The following AQP11 variants were observed in gnomAD, a reference collection of about 807,000 sequenced individuals.
AQP11 encodes aquaporin 11, also known as aquaporin-11.
A neutral mutation model predicts 21.1 loss-of-function variants in AQP11; 20 were observed. The observed-to-expected ratio is 0.95, with a 90% CI of 0.67 to 1.38. The LOEUF (loss-of-function observed/expected upper bound fraction) is 1.38. Among genes scored for constraint, AQP11 ranks in the 40% most tolerant of loss-of-function variants. The probability of loss-of-function intolerance (pLI) is 0.00; values close to 1 mark genes in which losing one functional copy is unlikely to be tolerated. For missense variants in AQP11, 339 were observed against 340.4 expected (o/e 1.00, Z 0.03); for synonymous variants, 167 against 150.1 (o/e 1.11, Z -0.82).
intron 1 of AQP11, among the ~76,000 whole-genome samples, chr11:77,600,960 C>T (rs535301231): frequency 1.3e-5 from 2 of 150,200 alleles, no homozygotes; most frequent in Non-Finnish European, 3.0e-5. Context: ...TGCAGTGAGC[C>T]GAGATCATGC....
At chr11:77,600,905 G>A (rs992651142) in intron 1 of AQP11, among the ~76,000 whole-genome samples, 9 of 151,944 alleles carry the variant, frequency 5.9e-5, no homozygotes, top group Non-Finnish European at 1.2e-4. Context: ...CCAGCTACTC[G>A]GGAGGCTGAG....
chr11:77,603,459 C>T (rs1958826499), intron 1 of AQP11, 97 bp from the exon 2 acceptor site: 4 of 833,260 alleles, frequency 4.8e-6, no homozygotes, highest in Non-Finnish European at 7.4e-6. Context: ...ACTAAGAATA[C>T]CTAAAATAAA....
intron 1 of AQP11, among the ~76,000 whole-genome samples, chr11:77,593,489 T>C (rs932803720): frequency 6.6e-6 from 1 of 151,948 alleles, no homozygotes; most frequent in African/African-American, 2.4e-5. Flanking sequence ...ACAAAAAAAT[T>C]AGCCAGGCAT....
intron 1 of AQP11, among the ~76,000 whole-genome samples, chr11:77,602,083 G>A (rs1487185542): frequency 6.6e-6 from 1 of 152,196 alleles, no homozygotes; most frequent in Non-Finnish European, 1.5e-5. Context: ...CTACCACTAA[G>A]TCACACTGAT....
At position 77,609,529 on chromosome 11, in the gene AQP11, T is replaced by TA. The variant is rs1002095990; in HGVS notation, c.*161dup. ...CTTATAGTTTTCATCACTGGGACTT[T>TA]AAAAAAAAATTACTGTGAAAATGAG... On this transcript the variant is annotated 3_prime_UTR_variant, in exon 3 of 3. Coordinates refer to ENST00000313578, the MANE Select transcript of AQP11 (RefSeq NM_173039.3). 2.7e-4 allele frequency: 129 copies of TA among 479,464 alleles called. No individual in the cohort carries two copies. The highest frequency in any genetic ancestry group is 9.0e-4 in the South Asian group (17 of 18,920). 29.7% of individuals were successfully genotyped at this position (479,464 alleles called of 1,614,324 possible). A position where few individuals can be genotyped will look rare whatever the true frequency, so the allele number is the denominator to read the frequency against.
intron 2 of AQP11, among the ~76,000 whole-genome samples, chr11:77,605,447 G>A (rs567313472): frequency 4.6e-5 from 7 of 152,252 alleles, no homozygotes; most frequent in African/African-American, 1.2e-4. Flanking sequence ...TGGCCTGTTA[G>A]TAACCAGGCC....
chr11:77,589,992 C>A lies in AQP11; in HGVS notation c.-1C>A. On this transcript the variant is annotated 5_prime_UTR_variant, in exon 1 of 3. Coordinates refer to ENST00000313578, the MANE Select transcript of AQP11 (RefSeq NM_173039.3). ...CAACCCGCTCAGGCGGCGACGGAGC[C>A]ATGTCGCCGCTGCTGGGGCTCCGGT... 1 of 1,484,674 alleles carries A rather than the reference C, an allele frequency of 6.7e-7. No individual in the cohort carries two copies. The highest frequency in any genetic ancestry group is 2.4e-5 in the Admixed American group (1 of 41,780). The allele number at this position is 1,484,674 out of a possible 1,614,324, so 92.0% of individuals were successfully genotyped here. A position where few individuals can be genotyped will look rare whatever the true frequency, so the allele number is the denominator to read the frequency against.
In AQP11 at chr11:77,600,125, ATTTT is replaced by A. The variant is rs35426110; in HGVS notation, c.620-3418_620-3415del. Among the ~76,000 whole-genome samples, 3 of 129,686 alleles carry A rather than the reference ATTTT, an allele frequency of 2.3e-5. No homozygotes were observed. In the South Asian group the frequency reaches 7.6e-4, roughly 33 times the overall value. The allele number at this position is 129,686 out of a possible 152,430, so 85.1% of individuals were successfully genotyped here. ...CAGGTGCACGCCACCATGCCCAGCT[ATTTT>A]TTTTTTTTTTTTGTATTTTAGTAGA... is the stretch of plus-strand genomic sequence containing the variant. On this transcript the variant is annotated intron_variant, in intron 1 of 2. Coordinates refer to ENST00000313578, the MANE Select transcript of AQP11 (RefSeq NM_173039.3).
intron 1 of AQP11, among the ~76,000 whole-genome samples, chr11:77,598,945 G>T (rs1373001927): frequency 1.3e-5 from 2 of 151,820 alleles, no homozygotes; most frequent in South Asian, 2.1e-4. Flanking sequence ...GCAATGGCAC[G>T]ATCTAGGCTC....
In AQP11 at chr11:77,590,576, T is replaced by G; in HGVS notation, c.584T>G (p.Leu195Arg). The G allele has an allele frequency of 6.2e-7, 1 of 1,614,186 alleles. No homozygotes were observed. ...GTCCGAACCAAGCTTCGTATCCACC[T>G]GCTGGCTGCACTCATCACCTTTTTG... is the stretch of plus-strand genomic sequence containing the variant. ...QEVRTKLRIH[L>R]LAALITFLVY... The change falls in exon 1 of 3, where the codon CTG (leucine) becomes CGG (arginine). Residue 195 changes from leucine to arginine, a missense_variant. Transcript: ENST00000313578.
At chr11:77,595,166 A>AC (rs1177767877) in intron 1 of AQP11, among the ~76,000 whole-genome samples, 2 of 151,994 alleles carry the variant, frequency 1.3e-5, no homozygotes, top group African/African-American at 2.4e-5. Context: ...ACATGGAGAA[A>AC]CCCCACCTCT....
At chr11:77,607,080 A>C (rs1958850835) in intron 2 of AQP11, among the ~76,000 whole-genome samples, 1 of 152,200 alleles carries the variant, frequency 6.6e-6, no homozygotes, top group Non-Finnish European at 1.5e-5. Flanking sequence ...TATGAATGAG[A>C]ATAAAGGCAT....
At chr11:77,596,445 A>T (rs1426959070) in intron 1 of AQP11, among the ~76,000 whole-genome samples, 1 of 67,414 alleles carries the variant, frequency 1.5e-5, no homozygotes, top group Non-Finnish European at 2.9e-5. Flanking sequence ...TGTCTCAATT[A>T]AAAAAAAAAA....
chr11:77,607,036 G>T (rs1335822303), intron 2 of AQP11, among the ~76,000 whole-genome samples: 1 of 152,170 alleles, frequency 6.6e-6, no homozygotes, highest in African/African-American at 2.4e-5. Flanking sequence ...GTTTTGGTTT[G>T]AAGAGGCATG....
At position 77,590,522 on chromosome 11, in the gene AQP11, T is replaced by G; in HGVS notation, c.530T>G (p.Phe177Cys). The stretch of plus-strand genomic sequence containing the variant: ...ACAGAGGCCGTCTGCTCCTTTCTCT[T>G]CCACAGCGCTCTGCTGCACTTCCAG... ...VITEAVCSFL[F>C]HSALLHFQEV... The change falls in exon 1 of 3, where the codon TTC (phenylalanine) becomes TGC (cysteine). Residue 177 changes from phenylalanine to cysteine, a missense_variant. Coordinates refer to ENST00000313578, the MANE Select transcript of AQP11 (RefSeq NM_173039.3). 1 of 1,614,106 alleles carries G rather than the reference T, an allele frequency of 6.2e-7. No homozygotes were observed. Among genetic ancestry groups the G allele is most frequent in the Non-Finnish European group, 8.5e-7 (1 of 1,180,012 alleles).
Position 77,592,331 on chromosome 11 carries a change from G to C in AQP11, c.619+1720G>C, listed in dbSNP as rs111826556. Among the ~76,000 whole-genome samples the C allele has an allele frequency of 8.6e-3, 1,311 of 152,130 alleles. 17 individuals carry two copies. The highest frequency in any genetic ancestry group is 0.028 in the African/African-American group (1,170 of 41,516). ...GTACAGGCATATTTGAGGGATTGGT[G>C]GGTAGTTGCTTATTTATTGAAGTTT... On this transcript the variant is annotated intron_variant, in intron 1 of 2. Transcript: ENST00000313578.
At chr11:77,591,954 T>C (rs968044430) in intron 1 of AQP11, among the ~76,000 whole-genome samples, 1 of 151,798 alleles carries the variant, frequency 6.6e-6, no homozygotes, top group Non-Finnish European at 1.5e-5. Flanking sequence ...TAGACATAAA[T>C]GGAAATAAGT....
chr11:77,592,815 G>C (rs997120796), intron 1 of AQP11, among the ~76,000 whole-genome samples: 1 of 150,702 alleles, frequency 6.6e-6, no homozygotes, highest in South Asian at 2.1e-4. Flanking sequence ...GAGTATAAAG[G>C]GAACACTAGA....
At position 77,609,249 on chromosome 11, in the gene AQP11, G is replaced by T; in HGVS notation, c.737-49G>T. 4 of 1,446,510 alleles carry T rather than the reference G, an allele frequency of 2.8e-6. No individual in the cohort carries two copies. In the South Asian group the frequency reaches 4.8e-5, roughly 17 times the overall value. 89.6% of individuals were successfully genotyped at this position (1,446,510 alleles called of 1,614,324 possible). ...TAAAATATACCCACCTAGTGATTAT[G>T]AACCTCCTTAAAGATTGTTTTTTTA... is the stretch of plus-strand genomic sequence containing the variant. On this transcript the variant is annotated intron_variant, in intron 2 of 2. Transcript: ENST00000313578.
Sources: gnomAD v4.1 joint callset for allele counts (sites outside exome capture counted in the v4.1 genomes callset) on GRCh38, gnomAD v4.1.1 for gene constraint, MANE v1.5 for transcripts, NCBI Gene and HGNC (gene_info 2026-07-23, HGNC 2026-07-21) for gene names.